The following CADPS2 variants were observed in gnomAD, a reference collection of about 807,000 sequenced individuals.
CADPS2 encodes calcium dependent secretion activator 2, also known as calcium-dependent secretion activator 2.
CADPS2 carries 93 observed loss-of-function variants against 172.5 expected under a neutral mutation model. That is an observed-to-expected ratio of 0.54 (90% CI 0.46 to 0.64). The LOEUF (loss-of-function observed/expected upper bound fraction) is 0.64, where lower values mean the gene tolerates loss of function less well. CADPS2 is among the 30% of genes least tolerant of loss of function. The pLI, the probability that CADPS2 is intolerant of heterozygous loss-of-function variation, is 0.00. For missense variants in CADPS2, 1,420 were observed against 1,565.9 expected (o/e 0.91, Z 1.57); for synonymous variants, 546 against 555.2 (o/e 0.98, Z 0.23).
chr7:122,819,431 T>C (rs909582278), intron 1 of CADPS2, among the ~76,000 whole-genome samples: 2 of 152,030 alleles, frequency 1.3e-5, no homozygotes, highest in African/African-American at 4.8e-5. Flanking sequence ...CCCTAGACCA[T>C]CACGGACGCC....
intron 9 of CADPS2, among the ~76,000 whole-genome samples, chr7:122,492,703 C>T (rs536314540): frequency 2.6e-4 from 40 of 151,724 alleles, no homozygotes; most frequent in African/African-American, 8.7e-4. Context: ...TATTTTTTTT[C>T]TTTTTTTCTT....
At chr7:122,353,389 C>T (rs762443034) in intron 27 of CADPS2, among the ~76,000 whole-genome samples, 7 of 151,988 alleles carry the variant, frequency 4.6e-5, no homozygotes, top group Non-Finnish European at 1.0e-4. Flanking sequence ...TAGCCATCTC[C>T]TTTATCTTAG....
intron 25 of CADPS2, among the ~76,000 whole-genome samples, chr7:122,365,931 G>A (rs2040786239): frequency 6.6e-6 from 1 of 152,108 alleles, no homozygotes; most frequent in Non-Finnish European, 1.5e-5. Context: ...GGTTCAAAAC[G>A]AACAGTTCTT....
At chr7:122,466,280 T>C (rs1167820565) in intron 14 of CADPS2, among the ~76,000 whole-genome samples, 1 of 152,184 alleles carries the variant, frequency 6.6e-6, no homozygotes, top group East Asian at 1.9e-4. Flanking sequence ...ATGGAAGGTG[T>C]GGAAGGAAGA....
chr7:122,478,056 T>C (rs2056907234), intron 12 of CADPS2, among the ~76,000 whole-genome samples: 1 of 152,226 alleles, frequency 6.6e-6, no homozygotes, highest in South Asian at 2.1e-4. Context: ...CATAGCTTTC[T>C]ACAGGTATAA....
At chr7:122,625,535 G>A (rs2076005263) in intron 4 of CADPS2, among the ~76,000 whole-genome samples, 1 of 152,162 alleles carries the variant, frequency 6.6e-6, no homozygotes, top group South Asian at 2.1e-4. Context: ...AAGGATTTAT[G>A]ACCAAAGGCG....
intron 27 of CADPS2, among the ~76,000 whole-genome samples, chr7:122,349,647 T>C (rs17462383): frequency 0.13 from 20,011 of 152,208 alleles, 1,636 homozygotes; most frequent in Non-Finnish European, 0.18. Context: ...GTATAAGTAA[T>C]CAAATACATC....
intron 28 of CADPS2, among the ~76,000 whole-genome samples, chr7:122,331,676 C>T (rs1424362344): frequency 6.6e-6 from 1 of 152,062 alleles, no homozygotes; most frequent in African/African-American, 2.4e-5. Flanking sequence ...ACAAATAATT[C>T]ATTTAATGCT....
chr7:122,715,928 A>AT (rs968669545), intron 2 of CADPS2, among the ~76,000 whole-genome samples: 2 of 152,140 alleles, frequency 1.3e-5, no homozygotes, highest in African/African-American at 2.4e-5. Context: ...CTCTAAAGGT[A>AT]TTTTTTCCCC....
At chr7:122,649,576 T>A (rs1328782722) in intron 3 of CADPS2, among the ~76,000 whole-genome samples, 2 of 152,156 alleles carry the variant, frequency 1.3e-5, no homozygotes, top group African/African-American at 4.8e-5. Flanking sequence ...GTATTAAAGC[T>A]CTTCTATTCA....
chr7:122,792,832 C>A (rs747032311), intron 1 of CADPS2, among the ~76,000 whole-genome samples: 2 of 152,206 alleles, frequency 1.3e-5, no homozygotes, highest in Non-Finnish European at 2.9e-5. Context: ...TCTCTCCAGA[C>A]TAACTGCTCA....
At chr7:122,588,935 T>C (rs2070256773) in intron 6 of CADPS2, among the ~76,000 whole-genome samples, 3 of 151,936 alleles carry the variant, frequency 2.0e-5, no homozygotes, top group African/African-American at 7.2e-5. Flanking sequence ...TTCTCAAGGG[T>C]GTCAAGCAAT....
intron 1 of CADPS2, among the ~76,000 whole-genome samples, chr7:122,833,380 T>C (rs1807218604): frequency 6.6e-6 from 1 of 152,166 alleles, no homozygotes; most frequent in African/African-American, 2.4e-5. Context: ...AGATGGAGTC[T>C]CGCTCTGTTG....
At chr7:122,378,420 T>A (rs569390952) in intron 25 of CADPS2, among the ~76,000 whole-genome samples, 1 of 152,310 alleles carries the variant, frequency 6.6e-6, no homozygotes, top group African/African-American at 2.4e-5. Context: ...AAAACATGTA[T>A]GCTAATTTGC....
chr7:122,800,991 CAAAAAAAA>C (rs34506571), intron 1 of CADPS2, among the ~76,000 whole-genome samples: 1 of 63,044 alleles, frequency 1.6e-5, no homozygotes, highest in Non-Finnish European at 2.9e-5. Context: ...GACTCTGCCT[CAAAAAAAA>C]AAAAAAAAAG....
chr7:122,387,758 A>G (rs549077539), intron 23 of CADPS2, among the ~76,000 whole-genome samples: 10 of 152,198 alleles, frequency 6.6e-5, no homozygotes, highest in East Asian at 5.8e-4. Flanking sequence ...GAAGTATCCT[A>G]TGAAAATCCA....
chr7:122,510,670 T>C (rs1586743976), intron 9 of CADPS2, among the ~76,000 whole-genome samples: 1 of 152,110 alleles, frequency 6.6e-6, no homozygotes, highest in South Asian at 2.1e-4. Flanking sequence ...ACAGCAGGGG[T>C]ATACTGTCCT....
intron 28 of CADPS2, among the ~76,000 whole-genome samples, chr7:122,343,563 C>G (rs1219176724): frequency 6.6e-6 from 1 of 152,156 alleles, no homozygotes; most frequent in East Asian, 1.9e-4. Flanking sequence ...TTATAATGAA[C>G]TGATGGCAAG....
At chr7:122,695,502 G>T (rs2084955982) in intron 2 of CADPS2, among the ~76,000 whole-genome samples, 2 of 152,258 alleles carry the variant, frequency 1.3e-5, no homozygotes, top group South Asian at 2.1e-4. Context: ...TTATTGATCT[G>T]TTTACAACAT....
Sources: gnomAD v4.1 joint callset for allele counts (sites outside exome capture counted in the v4.1 genomes callset) on GRCh38, gnomAD v4.1.1 for gene constraint, MANE v1.5 for transcripts, NCBI Gene and HGNC (gene_info 2026-07-23, HGNC 2026-07-21) for gene names.